Variants in ZWILCH observed in about 807,000 individuals in gnomAD.
The protein encoded by ZWILCH is zwilch kinetochore protein, also known as protein zwilch homolog.
In ZWILCH, 74 loss-of-function variants were observed where a neutral mutation model predicts 79.9. That is an observed-to-expected ratio of 0.93 (90% CI 0.77 to 1.12). The LOEUF is 1.12. Among genes scored for constraint, ZWILCH ranks in the 50% most tolerant of loss-of-function variants. ZWILCH has a pLI of 0.00. For missense variants in ZWILCH, 694 were observed against 687.5 expected (o/e 1.01, Z -0.11); for synonymous variants, 241 against 228.2 (o/e 1.06, Z -0.51).
intron 6 of ZWILCH, 74 bp from the exon 7 acceptor site, chr15:66,520,976 A>G (rs1488660774): frequency 6.6e-7 from 1 of 1,519,998 alleles, no homozygotes; most frequent in Non-Finnish European, 8.9e-7. Context: ...GACAAGGATC[A>G]AAATAATTTG....
chr15:66,508,723 C>T, intron 1 of ZWILCH, 118 bp from the exon 2 acceptor site: 2 of 1,485,598 alleles, frequency 1.3e-6, no homozygotes, highest in Non-Finnish European at 9.0e-7. Flanking sequence ...GCTGTAAGTA[C>T]TTGCTTTTTG....
At chr15:66,523,641 G>A in intron 7 of ZWILCH, 36 bp from the exon 8 acceptor site, 2 of 1,387,046 alleles carry the variant, frequency 1.4e-6, no homozygotes, top group Non-Finnish European at 2.0e-6. Flanking sequence ...GGTAGGATTA[G>A]CACTAGAAAA....
At chr15:66,530,811 T>TG (rs56959381) in intron 12 of ZWILCH, among the ~76,000 whole-genome samples, 2,274 of 152,264 alleles carry the variant, frequency 0.015, 59 homozygotes, top group African/African-American at 0.053. Context: ...TTATAAACTT[T>TG]TATGGGTGTG....
chr15:66,544,033 G>C (rs1046811095), intron 17 of ZWILCH, among the ~76,000 whole-genome samples: 1 of 152,122 alleles, frequency 6.6e-6, no homozygotes, highest in Non-Finnish European at 1.5e-5. Flanking sequence ...GCCAAGGCGG[G>C]TGGATCACCT....
intron 17 of ZWILCH, among the ~76,000 whole-genome samples, chr15:66,540,663 C>G (rs987544561): frequency 2.7e-5 from 4 of 150,750 alleles, no homozygotes; most frequent in African/African-American, 9.7e-5. Context: ...GAGTCTCCCC[C>G]TGTCGCCCAG....
rs898547516 is a variant in ZWILCH at position 66,528,862 on chromosome 15, A to G, written c.980A>G (p.His327Arg). The G allele has an allele frequency of 6.2e-7, 1 of 1,613,908 alleles. No homozygotes were observed. The highest frequency in any genetic ancestry group is 8.5e-7 in the Non-Finnish European group (1 of 1,179,836). ...KKDTEVETLK[H>R]DTAAVDRSVK... ...TTGCTTCTTTTTCAGACCTTGAAGCATGACACTGCTGCAGTCGATCGTTCC... is the reference window on the plus strand; with the variant it reads ...TTGCTTCTTTTTCAGACCTTGAAGCGTGACACTGCTGCAGTCGATCGTTCC... Residue 327 changes from histidine (H) to arginine (R), a missense_variant, in exon 11 of 19, where the codon CAT becomes CGT. His to Arg is a conservative substitution (Grantham distance 29). Transcript: ENST00000307897.
At chr15:66,521,650 C>T (rs941424176) in intron 7 of ZWILCH, among the ~76,000 whole-genome samples, 1 of 152,060 alleles carries the variant, frequency 6.6e-6, no homozygotes, top group Non-Finnish European at 1.5e-5. Context: ...CAAACGCCAC[C>T]ACACCTAATT....
At chr15:66,521,354 C>A in intron 7 of ZWILCH, 149 bp downstream of exon 7, 1 of 832,780 alleles carries the variant, frequency 1.2e-6, no homozygotes, top group Non-Finnish European at 1.9e-6. Flanking sequence ...CCACTAACGT[C>A]TCACCAGGGC....
intron 4 of ZWILCH, among the ~76,000 whole-genome samples, chr15:66,516,493 A>G (rs912463221): frequency 1.3e-5 from 2 of 152,034 alleles, no homozygotes; most frequent in African/African-American, 2.4e-5. Flanking sequence ...CTTGCTCTAT[A>G]GAAGTTTTTT....
In ZWILCH at chr15:66,505,333, G is replaced by A; in HGVS notation, c.-6G>A. 1.2e-6 allele frequency: 2 copies of A among 1,613,744 alleles called. No homozygotes were observed. The highest frequency in any genetic ancestry group is 1.1e-5 in the South Asian group (1 of 91,052). On this transcript the variant is annotated 5_prime_UTR_variant, in exon 1 of 19. Transcript: ENST00000307897. ...GGTTCCGGTACCGCTCTCACATTGG[G>A]GCGGGATGTGGGAGCGGCTGAACTG...
rs893791223 is a variant in ZWILCH at position 66,527,336 on chromosome 15, C to A, written c.866C>A (p.Pro289His). ...ACTGGTGTCACTGAATGGCTCGAGCCCCTGGAAGCAAAATCTGCTGTTGAA... is the reference window on the plus strand; with the variant it reads ...ACTGGTGTCACTGAATGGCTCGAGCACCTGGAAGCAAAATCTGCTGTTGAA... ...LRTGVTEWLEPLEAKSAVELV... is the reference protein window; with the variant it reads ...LRTGVTEWLEHLEAKSAVELV... The change falls in exon 9 of 19, where the codon CCC becomes CAC. Residue 289 changes from proline to histidine, a missense_variant. By Grantham distance (77) the Pro-to-His change is moderately conservative. Coordinates refer to ENST00000307897, the MANE Select transcript of ZWILCH (RefSeq NM_017975.5). The A allele has an allele frequency of 1.9e-6, 3 of 1,613,778 alleles. No homozygotes were observed. In the Admixed American group the frequency reaches 5.0e-5, roughly 27 times the overall value.
At chr15:66,517,907 AT>A (rs766065072) in intron 4 of ZWILCH, among the ~76,000 whole-genome samples, 7 of 151,040 alleles carry the variant, frequency 4.6e-5, no homozygotes, top group Admixed American at 2.0e-4. Context: ...TAATTTTTGT[AT>A]TTTTAGTAGA....
chr15:66,540,668 G>T (rs1366956487), intron 17 of ZWILCH, among the ~76,000 whole-genome samples: 1 of 147,120 alleles, frequency 6.8e-6, no homozygotes, highest in African/African-American at 2.5e-5. Context: ...TCCCCCTGTC[G>T]CCCAGGCTGG....
At position 66,521,038 on chromosome 15, in the gene ZWILCH, C is replaced by T. The variant is rs1595910419; in HGVS notation, c.592-12C>T. 2.5e-6 allele frequency: 4 copies of T among 1,613,762 alleles called. No individual in the cohort carries two copies. The highest frequency in any genetic ancestry group is 1.3e-5 in the African/African-American group (1 of 75,042). On this transcript the variant is annotated splice_polypyrimidine_tract_variant and intron_variant, in intron 6 of 18. Coordinates refer to ENST00000307897, the MANE Select transcript of ZWILCH (RefSeq NM_017975.5). ...GCACAGCTAAATGATCTGCTGGGTA[C>T]ACTCTTTTCAGGTAACATCCAAAGG...
intron 11 of ZWILCH, 104 bp downstream of exon 11, chr15:66,529,061 TG>T: frequency 2.3e-6 from 2 of 872,558 alleles, no homozygotes; most frequent in Non-Finnish European, 3.6e-6. Flanking sequence ...TGGGGAAGTC[TG>T]GTTCTTAACT....
At chr15:66,528,743 C>G in intron 10 of ZWILCH, 109 bp from the exon 11 acceptor site, 1 of 846,820 alleles carries the variant, frequency 1.2e-6, no homozygotes, top group South Asian at 1.7e-5. Flanking sequence ...TCGTTCATAT[C>G]TTTGTGTGTG....
intron 2 of ZWILCH, among the ~76,000 whole-genome samples, chr15:66,512,034 C>G (rs1052906457): frequency 6.6e-6 from 1 of 152,006 alleles, no homozygotes; most frequent in Non-Finnish European, 1.5e-5. Context: ...GAAAATAATT[C>G]AAAAGTGTTC....
intron 17 of ZWILCH, among the ~76,000 whole-genome samples, chr15:66,543,934 CAT>C (rs1287753514): frequency 3.9e-5 from 6 of 152,064 alleles, no homozygotes; most frequent in African/African-American, 7.3e-5. Flanking sequence ...AAAGAAGAAA[CAT>C]ATATTCTTTA....
intron 17 of ZWILCH, among the ~76,000 whole-genome samples, chr15:66,542,670 G>A (rs77434779): frequency 0.013 from 1,966 of 152,236 alleles, 35 homozygotes; most frequent in African/African-American, 0.045. Flanking sequence ...AAAATTGATA[G>A]TAAGGTAAAC....
Sources: gnomAD v4.1 joint callset for allele counts (sites outside exome capture counted in the v4.1 genomes callset) on GRCh38, gnomAD v4.1.1 for gene constraint, MANE v1.5 for transcripts, NCBI Gene and HGNC (gene_info 2026-07-23, HGNC 2026-07-21) for gene names.